The following CSMD1 variants were observed in gnomAD, a reference collection of about 807,000 sequenced individuals.
CSMD1 encodes CUB and sushi domain-containing protein 1.
Under a neutral mutation model 417.5 loss-of-function variants are expected in CSMD1, and 213 were observed. The ratio of observed to expected loss-of-function variants is 0.51; its 90% CI spans 0.46 to 0.57. The LOEUF (loss-of-function observed/expected upper bound fraction) is 0.57. Ranked by LOEUF, CSMD1 falls within the 20% of genes least tolerant of loss-of-function variation. The probability of loss-of-function intolerance (pLI) is 0.00; values close to 1 mark genes in which losing one functional copy is unlikely to be tolerated. For missense variants in CSMD1, 6,923 were observed against 4,529.7 expected, an observed-to-expected ratio of 1.53 and a Z score of -15.17; for synonymous variants, 2,862 against 1,736.8, an observed-to-expected ratio of 1.65 and a Z score of -16.11.
chr8:4,097,242 C>A (rs1247712462), intron 3 of CSMD1, among the ~76,000 whole-genome samples: 1 of 152,080 alleles, frequency 6.6e-6, no homozygotes, highest in African/African-American at 2.4e-5. Flanking sequence ...TTTTGTAGTA[C>A]AAAGAACTGG....
chr8:3,978,765 G>A (rs548887556), intron 5 of CSMD1, among the ~76,000 whole-genome samples: 100 of 152,182 alleles, frequency 6.6e-4, no homozygotes, highest in South Asian at 2.3e-3. Flanking sequence ...GTGCATGACG[G>A]TGCTCATGCT....
At chr8:4,763,954 A>G (rs1812281171) in intron 1 of CSMD1, among the ~76,000 whole-genome samples, 1 of 152,218 alleles carries the variant, frequency 6.6e-6, no homozygotes, top group Non-Finnish European at 1.5e-5. Flanking sequence ...TATGCCACTT[A>G]TGACATGTCA....
At chr8:4,916,546 T>C (rs1806078813) in intron 1 of CSMD1, among the ~76,000 whole-genome samples, 1 of 152,190 alleles carries the variant, frequency 6.6e-6, no homozygotes, top group Non-Finnish European at 1.5e-5. Context: ...AATGAGAAAA[T>C]GCACGTGGCA....
At chr8:4,478,135 C>T (rs1800900619) in intron 2 of CSMD1, among the ~76,000 whole-genome samples, 1 of 152,156 alleles carries the variant, frequency 6.6e-6, no homozygotes, top group African/African-American at 2.4e-5. Context: ...AGGCCTAGTG[C>T]CTGTAACAGC....
chr8:4,271,654 G>T (rs1399812321), intron 3 of CSMD1, among the ~76,000 whole-genome samples: 1 of 151,664 alleles, frequency 6.6e-6, no homozygotes, highest in East Asian at 1.9e-4. Flanking sequence ...GAAAAGAAAT[G>T]GTAAAATACA....
chr8:3,663,526 T>C (rs572126818), intron 7 of CSMD1, among the ~76,000 whole-genome samples: 1 of 152,196 alleles, frequency 6.6e-6, no homozygotes, highest in East Asian at 1.9e-4. Context: ...CAGGGAAAAG[T>C]CAAGCTGGAA....
chr8:3,678,366 T>C (rs561866844), intron 7 of CSMD1, among the ~76,000 whole-genome samples: 99 of 152,228 alleles, frequency 6.5e-4, no homozygotes, highest in Middle Eastern at 3.4e-3. Context: ...CTGAAAACCA[T>C]GGCACGGGAA....
intron 4 of CSMD1, among the ~76,000 whole-genome samples, chr8:4,023,913 G>C (rs971852509): frequency 6.6e-6 from 1 of 151,486 alleles, no homozygotes; most frequent in Non-Finnish European, 1.5e-5. Flanking sequence ...CACAGCACCC[G>C]ACCACTGCTT....
chr8:4,016,062 A>G (rs150154293), intron 4 of CSMD1, among the ~76,000 whole-genome samples: 39 of 152,330 alleles, frequency 2.6e-4, no homozygotes, highest in African/African-American at 3.4e-4. Context: ...ATGTGATTCC[A>G]TATCTGGAAA....
At chr8:4,345,232 T>C (rs1226307835) in intron 3 of CSMD1, among the ~76,000 whole-genome samples, 1 of 152,038 alleles carries the variant, frequency 6.6e-6, no homozygotes, top group Non-Finnish European at 1.5e-5. Context: ...GCTATTGCGG[T>C]TTGGAGGTGA....
At chr8:3,853,185 C>T (rs1384807358) in intron 5 of CSMD1, among the ~76,000 whole-genome samples, 3 of 152,232 alleles carry the variant, frequency 2.0e-5, no homozygotes, top group Admixed American at 6.5e-5. Context: ...ATGCTGCTTC[C>T]CTTCCTTCAC....
intron 46 of CSMD1, among the ~76,000 whole-genome samples, chr8:3,098,655 T>C (rs918530700): frequency 1.3e-5 from 2 of 152,206 alleles, no homozygotes; most frequent in Admixed American, 1.3e-4. Flanking sequence ...CTCATCGCTT[T>C]GTAAAATACA....
intron 39 of CSMD1, among the ~76,000 whole-genome samples, chr8:3,153,948 C>T (rs368517774): frequency 2.6e-5 from 4 of 152,122 alleles, no homozygotes; most frequent in Admixed American, 6.6e-5. Context: ...TCCCAAAAGA[C>T]GCATATCCAT....
chr8:3,531,191 C>A (rs778865450), intron 10 of CSMD1, among the ~76,000 whole-genome samples: 45 of 152,068 alleles, frequency 3.0e-4, no homozygotes, highest in Admixed American at 5.2e-4. Flanking sequence ...AGCATAATTT[C>A]TGGAGATTCA....
At chr8:3,441,479 T>C (rs1403106830) in intron 12 of CSMD1, among the ~76,000 whole-genome samples, 2 of 138,450 alleles carry the variant, frequency 1.4e-5, no homozygotes, top group African/African-American at 2.7e-5. Context: ...CATTTGCTTA[T>C]GGCATATAAT....
Position 3,328,167 on chromosome 8 carries a change from T to A in CSMD1, c.3631+15127A>T, listed in dbSNP as rs1806657025. Among the ~76,000 whole-genome samples, 3 of 152,334 alleles carry A rather than the reference T, an allele frequency of 2.0e-5. No individual in the cohort carries two copies. In the Middle Eastern group the frequency reaches 0.01, roughly 518 times the overall value. On this transcript the variant is annotated intron_variant, in intron 23 of 69. Coordinates refer to ENST00000635120, the MANE Select transcript of CSMD1 (RefSeq NM_033225.6). ...GCCACTTACTTTCCCTAAACCTGGT[T>A]CTTGGATGCATCTCTAATTAAACCG...
intron 5 of CSMD1, among the ~76,000 whole-genome samples, chr8:3,944,409 G>A (rs1020700090): frequency 2.6e-5 from 4 of 152,112 alleles, no homozygotes; most frequent in East Asian, 3.8e-4. Flanking sequence ...AACTGAGTGG[G>A]TGATTCTTCT....
At chr8:3,897,147 C>T (rs997482976) in intron 5 of CSMD1, among the ~76,000 whole-genome samples, 1 of 152,110 alleles carries the variant, frequency 6.6e-6, no homozygotes, top group African/African-American at 2.4e-5. Context: ...GTTTTTAAAA[C>T]AGGAGTCTGA....
At chr8:4,002,631 C>G (rs1357183959) in intron 4 of CSMD1, among the ~76,000 whole-genome samples, 1 of 152,168 alleles carries the variant, frequency 6.6e-6, no homozygotes, top group East Asian at 1.9e-4. Context: ...TAAATTGCTC[C>G]CACATATCGC....
Sources: allele counts gnomAD v4.1 joint callset (sites outside exome capture counted in the v4.1 genomes callset), GRCh38; gene constraint gnomAD v4.1.1; transcripts MANE v1.5; gene names NCBI Gene and HGNC (gene_info 2026-07-23, HGNC 2026-07-21).